LRP8: variants seen among roughly 807,000 people sequenced by gnomAD.
The protein encoded by LRP8 is LDL receptor related protein 8, also known as low-density lipoprotein receptor-related protein 8.
In LRP8, 46 loss-of-function variants were observed where a neutral mutation model predicts 111.6. The observed-to-expected ratio is 0.41, with a 90% confidence interval of 0.33 to 0.53. LRP8 has a LOEUF of 0.53. LRP8 is among the 20% of genes least tolerant of loss of function. The pLI is 0.20. For synonymous variants in LRP8, 464 were observed against 511.2 expected, an observed-to-expected ratio of 0.91 and a Z score of 1.24; for missense variants, 959 against 1,297.4, an observed-to-expected ratio of 0.74 and a Z score of 4.01.
chr1:53,251,009 C>T, intron 16 of LRP8, 147 bp from the exon 17 acceptor site: 1 of 654,354 alleles, frequency 1.5e-6, no homozygotes, highest in Non-Finnish European at 2.7e-6. Flanking sequence ...TGTTTGAAAG[C>T]CCATCTCTCA....
At chr1:53,301,213 G>T (rs1572618612) in intron 2 of LRP8, among the ~76,000 whole-genome samples, 1 of 152,192 alleles carries the variant, frequency 6.6e-6, no homozygotes, top group Admixed American at 6.5e-5. Flanking sequence ...GATCATGGGG[G>T]CATTGGGGAA....
chr1:53,315,226 G>T (rs1653636999), intron 2 of LRP8, among the ~76,000 whole-genome samples: 1 of 152,130 alleles, frequency 6.6e-6, no homozygotes, highest in South Asian at 2.1e-4. Context: ...GCCTGGAGCG[G>T]CAGGGGAGAA....
intron 2 of LRP8, among the ~76,000 whole-genome samples, chr1:53,319,790 G>T (rs541741112): frequency 1.3e-5 from 2 of 152,370 alleles, no homozygotes; most frequent in East Asian, 3.9e-4. Flanking sequence ...GCTCATGCTG[G>T]AGGGCGCCCA....
At chr1:53,264,458 AC>A in intron 9 of LRP8, 62 bp from the exon 10 acceptor site, 1 of 1,315,566 alleles carries the variant, frequency 7.6e-7, no homozygotes, top group Non-Finnish European at 1.1e-6. Flanking sequence ...ATCTGGAGCT[AC>A]CTGTGCACCC....
At chr1:53,289,300 C>T (rs941756344) in intron 3 of LRP8, 2 of 327,704 alleles carry the variant, frequency 6.1e-6, no homozygotes, top group African/African-American at 4.2e-5. Flanking sequence ...CACGCTAGGG[C>T]TCCTTCTGGG....
At chr1:53,309,482 C>T (rs1652603656) in intron 2 of LRP8, among the ~76,000 whole-genome samples, 2 of 152,196 alleles carry the variant, frequency 1.3e-5, no homozygotes, top group Admixed American at 1.3e-4. Context: ...GTGGCTCATC[C>T]AGCCCACATG....
At position 53,260,248 on chromosome 1, in the gene LRP8, G is replaced by A. The variant is rs17108164; in HGVS notation, c.2056+216C>T. Among the ~76,000 whole-genome samples the A allele has an allele frequency of 2.5e-3, 381 of 152,318 alleles. 9 individuals are homozygous for A. In the East Asian group the frequency reaches 0.065, roughly 26 times the overall value. ...GGATTGGCAAAAACAGGACAGTTAT[G>A]TATTCATTTATACCCAGCCTTATTT... On this transcript the variant is annotated intron_variant, in intron 13 of 18. Transcript: ENST00000306052.
intron 2 of LRP8, among the ~76,000 whole-genome samples, chr1:53,320,132 G>A (rs952710384): frequency 2.0e-5 from 3 of 152,248 alleles, no homozygotes; most frequent in African/African-American, 7.2e-5. Context: ...TCACTAGCTC[G>A]CTCCCTAACT....
intron 6 of LRP8, among the ~76,000 whole-genome samples, chr1:53,272,382 T>C (rs558272858): frequency 6.6e-6 from 1 of 151,974 alleles, no homozygotes; most frequent in East Asian, 1.9e-4. Flanking sequence ...AGCTTTAGAG[T>C]CACAGAAGGT....
chr1:53,299,713 T>C (rs1650446478), intron 2 of LRP8, among the ~76,000 whole-genome samples: 1 of 152,242 alleles, frequency 6.6e-6, no homozygotes, highest in Non-Finnish European at 1.5e-5. Context: ...CTGGCTTTTC[T>C]GGAGAGAGGT....
Position 53,250,164 on chromosome 1 carries a change from C to T in LRP8, c.2676+526G>A, listed in dbSNP as rs938581439. Reference sequence around the variant, plus strand: ...TAACTCCCTACCAGCTTCTTGGGAGCAAGCATGTTCCTTATTGACTTTTGA... The same window carrying T: ...TAACTCCCTACCAGCTTCTTGGGAGTAAGCATGTTCCTTATTGACTTTTGA... On this transcript the variant is annotated intron_variant, in intron 17 of 18. Coordinates refer to ENST00000306052, the MANE Select transcript of LRP8 (RefSeq NM_004631.5). The surrounding 1 kb of genome is among the most constrained non-coding windows in gnomAD (Gnocchi z 4.6). Among the ~76,000 whole-genome samples, 1 of 152,224 alleles carries T rather than the reference C, an allele frequency of 6.6e-6. No homozygotes were observed. Among genetic ancestry groups the T allele is most frequent in the Non-Finnish European group, 1.5e-5 (1 of 68,038 alleles).
chr1:53,303,575 A>T lies in LRP8; in HGVS notation c.245-13886T>A, dbSNP rs1477945054. The stretch of plus-strand genomic sequence containing the variant: ...AATCTCCCTGTCTCAGGATCTGAGA[A>T]TCGTAAAACACACAATTTACAAGTA... On this transcript the variant is annotated intron_variant, in intron 2 of 18. Coordinates refer to ENST00000306052, the MANE Select transcript of LRP8 (RefSeq NM_004631.5). This position sits in a 1 kb window ranked among gnomAD's most constrained non-coding sequence, Gnocchi z 4.3. Among the ~76,000 whole-genome samples the T allele has an allele frequency of 6.6e-6, 1 of 152,266 alleles. No homozygotes were observed. The highest frequency in any genetic ancestry group is 2.4e-5 in the African/African-American group (1 of 41,476).
At chr1:53,322,808 G>C (rs1654688030) in intron 2 of LRP8, among the ~76,000 whole-genome samples, 1 of 152,174 alleles carries the variant, frequency 6.6e-6, no homozygotes, top group South Asian at 2.1e-4. Context: ...TACAGCACAG[G>C]CAGGGAGCTG....
At chr1:53,247,397 T>A (rs1404230244) in intron 18 of LRP8, among the ~76,000 whole-genome samples, 1 of 152,176 alleles carries the variant, frequency 6.6e-6, no homozygotes, top group Non-Finnish European at 1.5e-5. Context: ...CCTTATAGGA[T>A]TTTAGGTTTG....
chr1:53,244,222 A>G lies in LRP8; in HGVS notation c.*2796T>C, dbSNP rs548918131. ...AGGAAAGGTAGACCATAGTATAGGT[A>G]GCAGGTTTGATACAATGTTCAGGCA... On this transcript the variant is annotated 3_prime_UTR_variant, in exon 19 of 19. Transcript: ENST00000306052. 6.6e-6 allele frequency: 1 copy of G among 152,378 alleles called. No individual in the cohort carries two copies. The highest frequency in any genetic ancestry group is 2.1e-4 in the South Asian group (1 of 4,832). 9.4% of individuals were successfully genotyped at this position (152,378 alleles called of 1,614,324 possible).
rs1655240431 is a variant in LRP8, at chr1:53,327,093, G to T, written c.125-101C>A. On this transcript the variant is annotated intron_variant, in intron 1 of 18. Coordinates refer to ENST00000306052, the MANE Select transcript of LRP8 (RefSeq NM_004631.5). ...AAGGACCCGCTGGGGAGGAGGAAAG[G>T]GGGCGATTATGGAGACCCCGGGGGC... 6.6e-6 allele frequency: 10 copies of T among 1,521,082 alleles called. No homozygotes were observed. In the Admixed American group the frequency reaches 1.8e-4, roughly 28 times the overall value. The allele number at this position is 1,521,082 out of a possible 1,614,324, so 94.2% of individuals were successfully genotyped here.
chr1:53,305,147 T>C (rs1651700358), intron 2 of LRP8: 1 of 152,190 alleles, frequency 6.6e-6, no homozygotes, highest in South Asian at 2.1e-4. Context: ...GACATGGCCA[T>C]TCTCCCACAA....
At chr1:53,309,317 T>C (rs893225232) in intron 2 of LRP8, among the ~76,000 whole-genome samples, 1 of 152,028 alleles carries the variant, frequency 6.6e-6, no homozygotes, top group Non-Finnish European at 1.5e-5. Context: ...AGAGCAGAGG[T>C]GCTTCCCACC....
intron 2 of LRP8, among the ~76,000 whole-genome samples, chr1:53,296,757 C>T (rs1349452323): frequency 6.6e-6 from 1 of 152,226 alleles, no homozygotes; most frequent in East Asian, 1.9e-4. Context: ...AGACCGTGGC[C>T]CAGAGCAACC....
Sources: allele counts gnomAD v4.1 joint callset (sites outside exome capture counted in the v4.1 genomes callset), GRCh38; gene constraint gnomAD v4.1.1; non-coding constraint Gnocchi (gnomAD v3.1); transcripts MANE v1.5; gene names NCBI Gene and HGNC (gene_info 2026-07-23, HGNC 2026-07-21).